CCDC73: variants seen among roughly 807,000 people sequenced by gnomAD.
The protein encoded by CCDC73 is coiled-coil domain-containing protein 73.
Under a neutral mutation model 116.5 loss-of-function variants are expected in CCDC73, and 95 were observed. That is an observed-to-expected ratio of 0.82 (90% CI 0.69 to 0.97). The LOEUF is 0.97. Ranked by LOEUF, CCDC73 falls within the 50% of genes least tolerant of loss-of-function variation. The pLI, the probability that CCDC73 is intolerant of heterozygous loss-of-function variation, is 0.00. For missense variants in CCDC73, 1,066 were observed against 1,206.8 expected (o/e 0.88, Z 1.73); for synonymous variants, 398 against 401.3 (o/e 0.99, Z 0.10).
At chr11:32,682,005 TTA>T (rs1400017563) in intron 7 of CCDC73, 1 of 151,926 alleles carries the variant, frequency 6.6e-6, no homozygotes, top group Non-Finnish European at 1.5e-5. Context: ...AGAAAAAATA[TTA>T]TGACTATAAC....
chr11:32,742,604 G>T (rs1323758973), intron 2 of CCDC73, among the ~76,000 whole-genome samples: 1 of 152,152 alleles, frequency 6.6e-6, no homozygotes, highest in Non-Finnish European at 1.5e-5. Context: ...CATTCTGTAG[G>T]TTGCCTGTTC....
chr11:32,675,737 C>G, intron 8 of CCDC73, 93 bp from the exon 9 acceptor site: 1 of 1,213,396 alleles, frequency 8.2e-7, no homozygotes, highest in Non-Finnish European at 1.2e-6. Flanking sequence ...AGTAACAATG[C>G]AATATATATG....
At chr11:32,620,767 G>A (rs1855516922) in intron 14 of CCDC73, among the ~76,000 whole-genome samples, 2 of 152,042 alleles carry the variant, frequency 1.3e-5, no homozygotes, top group South Asian at 4.1e-4. Flanking sequence ...GGCCATTTTA[G>A]AGGCTGCCTA....
At chr11:32,722,508 G>A (rs761386631) in intron 2 of CCDC73, among the ~76,000 whole-genome samples, 1 of 152,150 alleles carries the variant, frequency 6.6e-6, no homozygotes. Flanking sequence ...CATGGAAGAA[G>A]GGAGGAAATC....
chr11:32,744,840 C>G (rs1850220388), intron 2 of CCDC73, among the ~76,000 whole-genome samples: 1 of 152,066 alleles, frequency 6.6e-6, no homozygotes, highest in Non-Finnish European at 1.5e-5. Context: ...CTTTGTTGAT[C>G]TTTTCAAAAA....
chr11:32,655,547 A>G (rs1173966391), intron 9 of CCDC73, among the ~76,000 whole-genome samples: 1 of 152,222 alleles, frequency 6.6e-6, no homozygotes, highest in Non-Finnish European at 1.5e-5. Flanking sequence ...AAAGAGAACG[A>G]TATTTTTCAG....
chr11:32,749,260 T>C (rs756418691), intron 2 of CCDC73, among the ~76,000 whole-genome samples: 10 of 152,086 alleles, frequency 6.6e-5, no homozygotes, highest in Non-Finnish European at 1.3e-4. Flanking sequence ...CAGCCTGTCT[T>C]CAAGCTCACT....
intron 16 of CCDC73, 87 bp downstream of exon 16, chr11:32,613,335 C>A (rs1855439297): frequency 4.3e-6 from 5 of 1,165,728 alleles, no homozygotes; most frequent in Non-Finnish European, 6.0e-6. Flanking sequence ...ACTTTTAAAA[C>A]AAAATTTACA....
At chr11:32,722,068 C>T (rs1048180591) in intron 2 of CCDC73, among the ~76,000 whole-genome samples, 3 of 152,160 alleles carry the variant, frequency 2.0e-5, no homozygotes, top group African/African-American at 7.2e-5. Context: ...GTTAGCATCT[C>T]ACATGAACAG....
chr11:32,644,824 C>A (rs1049278245), intron 12 of CCDC73, among the ~76,000 whole-genome samples: 4 of 152,112 alleles, frequency 2.6e-5, no homozygotes, highest in Non-Finnish European at 2.9e-5. Context: ...GTAGAATGCC[C>A]TATAAATGGA....
intron 14 of CCDC73, among the ~76,000 whole-genome samples, chr11:32,627,503 A>G (rs906915532): frequency 1.3e-5 from 2 of 152,252 alleles, no homozygotes; most frequent in African/African-American, 4.8e-5. Context: ...GCATGCTGTT[A>G]TAAAGACACA....
intron 2 of CCDC73, 148 bp downstream of exon 2, chr11:32,759,961 G>T: frequency 1.5e-6 from 1 of 650,196 alleles, no homozygotes; most frequent in Non-Finnish European, 2.7e-6. Flanking sequence ...TACTTAATCT[G>T]TCCTATTCTC....
chr11:32,716,904 A>C (rs558285580), intron 3 of CCDC73, among the ~76,000 whole-genome samples: 2 of 152,212 alleles, frequency 1.3e-5, no homozygotes, highest in Non-Finnish European at 1.5e-5. Context: ...GACTGTGATA[A>C]CTTTATGCTG....
chr11:32,659,031 T>TA (rs556113291), intron 9 of CCDC73, among the ~76,000 whole-genome samples: 122 of 152,282 alleles, frequency 8.0e-4, no homozygotes, highest in African/African-American at 2.7e-3. Context: ...TTTCAAAAGC[T>TA]AAAAAAATAC....
upstream of CCDC73, among the ~76,000 whole-genome samples, chr11:32,795,381 G>A (rs1050095716): frequency 9.2e-5 from 14 of 151,774 alleles, no homozygotes; most frequent in African/African-American, 3.4e-4. Context: ...TGAGGCAAGA[G>A]GATAGATTGA....
chr11:32,755,771 ATGTGTATATATATATATCTCCATATATG>A (rs1850333882), intron 2 of CCDC73, among the ~76,000 whole-genome samples: 1 of 111,750 alleles, frequency 8.9e-6, no homozygotes, highest in African/African-American at 4.0e-5. Flanking sequence ...CTCCATATAT[ATGTGTATATATATATATCTCCATATATG>A]TGTATATATA....
At chr11:32,678,275 T>C (rs991193434) in intron 7 of CCDC73, among the ~76,000 whole-genome samples, 1 of 151,862 alleles carries the variant, frequency 6.6e-6, no homozygotes, top group Non-Finnish European at 1.5e-5. Context: ...TGAGACTCCG[T>C]CTCAAAATAA....
chr11:32,736,828 G>A (rs563962861), intron 2 of CCDC73, among the ~76,000 whole-genome samples: 1 of 151,988 alleles, frequency 6.6e-6, no homozygotes, highest in East Asian at 1.9e-4. Context: ...ATACTATGCA[G>A]CCATAAGAAA....
chr11:32,740,137 T>C (rs1031930443), intron 2 of CCDC73, among the ~76,000 whole-genome samples: 1 of 136,368 alleles, frequency 7.3e-6, no homozygotes, highest in African/African-American at 2.7e-5. Flanking sequence ...CCTGTAGTTT[T>C]CTTTTTCTTT....
Sources: allele counts gnomAD v4.1 joint callset (sites outside exome capture counted in the v4.1 genomes callset), GRCh38; gene constraint gnomAD v4.1.1; transcripts MANE v1.5; gene names NCBI Gene and HGNC (gene_info 2026-07-23, HGNC 2026-07-21).